Variants in VIPR1 observed in about 807,000 individuals in gnomAD.
VIPR1 encodes vasoactive intestinal peptide receptor 1.
A neutral mutation model predicts 58.8 loss-of-function variants in VIPR1; 59 were observed. The observed-to-expected ratio is 1.00, with a 90% CI of 0.81 to 1.25. The LOEUF (loss-of-function observed/expected upper bound fraction) is 1.25, where lower values mean the gene tolerates loss of function less well. Ranked by LOEUF, VIPR1 falls within the 50% of genes most tolerant of loss-of-function variation. The pLI is 0.00. For synonymous variants in VIPR1, 251 were observed against 242.1 expected (o/e 1.04, Z -0.34); for missense variants, 626 against 602.7 (o/e 1.04, Z -0.40).
At chr3:42,525,496 G>A (rs1025046392) in intron 3 of VIPR1, among the ~76,000 whole-genome samples, 2 of 152,096 alleles carry the variant, frequency 1.3e-5, no homozygotes, top group African/African-American at 4.8e-5. Context: ...GCAGGCCTGG[G>A]CCCCTTCCCC....
chr3:42,500,792 C>T (rs536087033), upstream of VIPR1, among the ~76,000 whole-genome samples: 19 of 152,278 alleles, frequency 1.2e-4, no homozygotes, highest in Admixed American at 3.3e-4. Context: ...CAAACACTCC[C>T]GCCATTGGGA....
rs773743179 is a variant in VIPR1 at position 42,535,081 on chromosome 3, GA to G, written c.1118del (p.Glu373GlyfsTer27). 3 of 1,614,200 alleles carry G rather than the reference GA, an allele frequency of 1.9e-6. No individual in the cohort carries two copies. In the South Asian group the frequency reaches 3.3e-5, roughly 18 times the overall value. On this transcript the variant is annotated frameshift_variant, in exon 11 of 13. Coordinates refer to ENST00000325123, the MANE Select transcript of VIPR1 (RefSeq NM_004624.4). LOFTEE classifies it high-confidence loss of function. ...TAAGCCTGAAGTGAAGATGGTCTTTGAGCTCGTCGTGGGGTCTTTCCAGGTA... is the reference window on the plus strand; with the variant it reads ...TAAGCCTGAAGTGAAGATGGTCTTTGGCTCGTCGTGGGGTCTTTCCAGGTA... ...NFKPEVKMVF[E>X]LVVGSFQGFV...
chr3:42,497,193 A>AC (rs1490195267), intron 1 of VIPR1, among the ~76,000 whole-genome samples: 1 of 151,964 alleles, frequency 6.6e-6, no homozygotes, highest in African/African-American at 2.4e-5. Flanking sequence ...AAGTGGCCTC[A>AC]CCCCCCTCAG....
chr3:42,532,275 A>G lies in VIPR1; in HGVS notation c.952A>G (p.Ile318Val), dbSNP rs1701607672. Reference protein sequence around the residue: ...NFILFICIIRILLQKLRPPDI... With the variant: ...NFILFICIIRVLLQKLRPPDI... ...CATCCTGTTTATTTGCATCATCCGA[A>G]TCCTGCTTCAGAAACTGCGGCCCCC... The change falls in exon 10 of 13, where the codon ATC becomes GTC. Residue 318 changes from isoleucine to valine, a missense_variant. Ile to Val is a conservative substitution (Grantham distance 29). Transcript: ENST00000325123. 3.7e-6 allele frequency: 6 copies of G among 1,613,920 alleles called. No homozygotes were observed. Among genetic ancestry groups the G allele is most frequent in the Non-Finnish European group, 5.1e-6 (6 of 1,180,022 alleles).
intron 6 of VIPR1, chr3:42,530,544 T>G: frequency 2.0e-6 from 1 of 503,850 alleles, no homozygotes. Context: ...GGAAGGTGAA[T>G]AGATGAATTG....
Position 42,527,462 on chromosome 3 carries a change from CT to C in VIPR1, c.471del (p.Leu158TrpfsTer7). 1 of 1,614,018 alleles carries C rather than the reference CT, an allele frequency of 6.2e-7. No homozygotes were observed. The highest frequency in any genetic ancestry group is 8.5e-7 in the Non-Finnish European group (1 of 1,179,972). Reference protein sequence around the residue: ...TIGYGLSLATLLVATAILSLF... With the variant: ...TIGYGLSLATXLVATAILSLF... ...TGGCTACGGCCTGTCCCTCGCCACC[CT>C]TCTGGTCGCCACAGCTATCCTGAGC... On this transcript the variant is annotated frameshift_variant, in exon 5 of 13. Coordinates refer to ENST00000325123, the MANE Select transcript of VIPR1 (RefSeq NM_004624.4). LOFTEE classifies it high-confidence loss of function.
At chr3:42,521,781 T>C (rs1408532895) in intron 3 of VIPR1, among the ~76,000 whole-genome samples, 1 of 152,110 alleles carries the variant, frequency 6.6e-6, no homozygotes, top group Non-Finnish European at 1.5e-5. Context: ...AGAGTCTTGC[T>C]CTGTCACCCA....
In VIPR1 at chr3:42,523,929, T is replaced by C. The variant is rs558689386; in HGVS notation, c.293-1958T>C. Among the ~76,000 whole-genome samples, 542 of 152,288 alleles carry C rather than the reference T, an allele frequency of 3.6e-3. 3 individuals carry two copies. Among genetic ancestry groups the C allele is most frequent in the African/African-American group, 0.012 (517 of 41,558 alleles). ...ACCTCCTGGGTTCAAGCGATTCTCC[T>C]GCCTCAGCCTCCTGAGTAGCTGGGA... On this transcript the variant is annotated intron_variant, in intron 3 of 12. Coordinates refer to ENST00000325123, the MANE Select transcript of VIPR1 (RefSeq NM_004624.4).
intron 3 of VIPR1, 50 bp downstream of exon 3, chr3:42,519,380 G>T: frequency 6.7e-7 from 1 of 1,500,056 alleles, no homozygotes; most frequent in Admixed American, 2.0e-5. Flanking sequence ...GGCTGGAGTG[G>T]GGACTCACCT....
intron 10 of VIPR1, chr3:42,532,894 A>G (rs1205135318): frequency 2.5e-5 from 4 of 160,698 alleles, no homozygotes; most frequent in Admixed American, 2.3e-4. Flanking sequence ...AGGAAATGAC[A>G]TACACTCCCT....
chr3:42,531,992 A>G (rs1701583838), intron 9 of VIPR1, 123 bp downstream of exon 9: 23 of 1,138,300 alleles, frequency 2.0e-5, no homozygotes, highest in Non-Finnish European at 2.7e-5. Flanking sequence ...CTAATGCCCA[A>G]TGCAGGATCA....
At chr3:42,531,933 A>G (rs1208670531) in intron 9 of VIPR1, 64 bp downstream of exon 9, 1 of 1,584,400 alleles carries the variant, frequency 6.3e-7, no homozygotes, top group East Asian at 2.2e-5. Flanking sequence ...AACTTAGCCC[A>G]AGGTCACATG....
chr3:42,499,996 T>G (rs1182232361), upstream of VIPR1: 1 of 152,318 alleles, frequency 6.6e-6, no homozygotes, highest in Non-Finnish European at 1.5e-5. Context: ...TTTTGCTATT[T>G]TCTTTCTGCT....
intron 1 of VIPR1, 100 bp downstream of exon 1, chr3:42,502,913 C>CTGT: frequency 1.0e-6 from 1 of 960,442 alleles, no homozygotes; most frequent in Non-Finnish European, 1.3e-6. Context: ...GTGCGCGTGT[C>CTGT]TGTGTAAGAG....
In VIPR1 at chr3:42,502,712, C is replaced by T; in HGVS notation, c.-24C>T. On this transcript the variant is annotated 5_prime_UTR_variant, in exon 1 of 13. Transcript: ENST00000325123. ...CCAGCTCTTTGCCCGCGCGGGGCCG[C>T]CCGCCGCGGGCTCAGGGCAGACCAT... The T allele has an allele frequency of 7.8e-7, 1 of 1,286,974 alleles. No homozygotes were observed. The highest frequency in any genetic ancestry group is 9.8e-7 in the Non-Finnish European group (1 of 1,021,920). The allele number at this position is 1,286,974 out of a possible 1,614,324, so 79.7% of individuals were successfully genotyped here. A position where few individuals can be genotyped will look rare whatever the true frequency, so the allele number is the denominator to read the frequency against.
chr3:42,527,880 C>G, intron 5 of VIPR1, 111 bp from the exon 6 acceptor site: 1 of 1,463,072 alleles, frequency 6.8e-7, no homozygotes, highest in Non-Finnish European at 9.3e-7. Flanking sequence ...GGCCTGCCCT[C>G]TGGAGGACAC....
chr3:42,530,998 G>T (rs1020744139), intron 7 of VIPR1, 66 bp downstream of exon 7: 3 of 1,588,320 alleles, frequency 1.9e-6, no homozygotes, highest in Non-Finnish European at 1.7e-6. Context: ...ACTCCCTAGG[G>T]GGAGGGTGCC....
At chr3:42,531,382 C>G (rs1701540230) in intron 7 of VIPR1, 89 bp from the exon 8 acceptor site, 1 of 1,386,894 alleles carries the variant, frequency 7.2e-7, no homozygotes, top group South Asian at 1.2e-5. Context: ...CCCTCCCTCT[C>G]CCTGCTTTTC....
Position 42,532,097 on chromosome 3 carries a change from T to G in VIPR1, c.919-145T>G, listed in dbSNP as rs561461875. On this transcript the variant is annotated intron_variant, in intron 9 of 12. Transcript: ENST00000325123. Reference sequence around the variant, plus strand: ...AAGGAGGTAGAGTTCCCGGATGACCTGCCCAAAGGGGAAATGCCAGAGGAG... The same window carrying G: ...AAGGAGGTAGAGTTCCCGGATGACCGGCCCAAAGGGGAAATGCCAGAGGAG... The G allele has an allele frequency of 1.5e-5, 14 of 958,782 alleles. No homozygotes were observed. In the African/African-American group the frequency reaches 1.9e-4, roughly 13 times the overall value. The allele number at this position is 958,782 out of a possible 1,614,324, so 59.4% of individuals were successfully genotyped here. A position where few individuals can be genotyped will look rare whatever the true frequency, so the allele number is the denominator to read the frequency against.
Sources: allele counts gnomAD v4.1 joint callset (sites outside exome capture counted in the v4.1 genomes callset), GRCh38; gene constraint gnomAD v4.1.1; transcripts MANE v1.5; gene names NCBI Gene and HGNC (gene_info 2026-07-23, HGNC 2026-07-21).